Variants in UBR3 observed in about 807,000 individuals in gnomAD.
UBR3 encodes the protein E3 ubiquitin-protein ligase UBR3.
UBR3 carries 85 observed loss-of-function variants against 243.2 expected under a neutral mutation model. The observed-to-expected ratio is 0.35, with a 90% CI of 0.29 to 0.42. UBR3 has a LOEUF of 0.42. Ranked by LOEUF, UBR3 falls within the 10% of genes least tolerant of loss-of-function variation. The probability of loss-of-function intolerance (pLI) is 1.00; values close to 1 mark genes in which losing one functional copy is unlikely to be tolerated. For missense variants in UBR3, 1,686 were observed against 2,300.8 expected (o/e 0.73, Z 5.47); for synonymous variants, 748 against 799.8 (o/e 0.94, Z 1.09).
chr2:169,908,225 T>C lies in UBR3; in HGVS notation c.1779+2061T>C, dbSNP rs185417080. Among the ~76,000 whole-genome samples, 40 of 152,364 alleles carry C rather than the reference T, an allele frequency of 2.6e-4. 1 individual carries two copies. In the Middle Eastern group the frequency reaches 0.01, roughly 39 times the overall value. ...AGTTATCTTGGAAGCTTAAAAAATA[T>C]GTATGCATAAGCCCCAGTGTCAGAG... On this transcript the variant is annotated intron_variant, in intron 10 of 38. Coordinates refer to ENST00000272793, the MANE Select transcript of UBR3 (RefSeq NM_172070.4).
At chr2:169,924,999 A>G (rs1319844295) in intron 13 of UBR3, among the ~76,000 whole-genome samples, 1 of 152,152 alleles carries the variant, frequency 6.6e-6, no homozygotes, top group Non-Finnish European at 1.5e-5. Flanking sequence ...GCGCCACTGC[A>G]CTCCAGTCTG....
chr2:169,933,313 G>C (rs2086208193), intron 19 of UBR3, among the ~76,000 whole-genome samples: 1 of 152,174 alleles, frequency 6.6e-6, no homozygotes, highest in African/African-American at 2.4e-5. Flanking sequence ...TTTTGAACCA[G>C]TAGGGGAGGC....
rs537317176 is a variant in UBR3, at chr2:169,939,170, A to G, written c.2664-3323A>G. 1.1e-4 allele frequency among the ~76,000 whole-genome samples: 16 copies of G among 151,798 alleles called. No homozygotes were observed. In the East Asian group the frequency reaches 1.7e-3, roughly 17 times the overall value. Reference sequence around the variant, plus strand: ...ATATGAGATGATTATCAGTTTTACTATGTTTTCTAAGAACCAAGTTTTGAT... The same window carrying G: ...ATATGAGATGATTATCAGTTTTACTGTGTTTTCTAAGAACCAAGTTTTGAT... On this transcript the variant is annotated intron_variant, in intron 19 of 38. Transcript: ENST00000272793.
At chr2:170,041,348 A>G (rs1456837766) in intron 32 of UBR3, among the ~76,000 whole-genome samples, 1 of 152,230 alleles carries the variant, frequency 6.6e-6, no homozygotes. Context: ...TTTAGTCACT[A>G]AGAGGTAAAG....
intron 26 of UBR3, 27 bp downstream of exon 26, chr2:169,994,483 T>G: frequency 6.3e-7 from 1 of 1,579,728 alleles, no homozygotes; most frequent in Non-Finnish European, 8.7e-7. Context: ...AAATAGTACT[T>G]TTGTCTGCCA....
chr2:169,913,684 T>C (rs2085344278), intron 10 of UBR3, among the ~76,000 whole-genome samples: 1 of 152,192 alleles, frequency 6.6e-6, no homozygotes, highest in Non-Finnish European at 1.5e-5. Context: ...CTGTCGCTAC[T>C]ATCCATGTCC....
At chr2:169,864,518 C>CT (rs1219279563) in intron 1 of UBR3, among the ~76,000 whole-genome samples, 4 of 151,774 alleles carry the variant, frequency 2.6e-5, no homozygotes, top group Admixed American at 6.6e-5. Flanking sequence ...AATCCCAGCA[C>CT]TTTGGGAGGC....
chr2:169,861,266 C>T (rs777152073), intron 1 of UBR3, among the ~76,000 whole-genome samples: 7 of 152,224 alleles, frequency 4.6e-5, no homozygotes, highest in Admixed American at 4.6e-4. Flanking sequence ...CCATCACAAA[C>T]TCTTTGACCA....
intron 35 of UBR3, among the ~76,000 whole-genome samples, chr2:170,065,933 C>A (rs1035967895): frequency 1.3e-5 from 2 of 150,568 alleles, no homozygotes; most frequent in Non-Finnish European, 2.9e-5. Flanking sequence ...TGCCCTACCC[C>A]ACCCCCCGCA....
At chr2:170,001,511 A>C (rs2089694375) in intron 27 of UBR3, 97 bp downstream of exon 27, 1 of 711,148 alleles carries the variant, frequency 1.4e-6, no homozygotes, top group Non-Finnish European at 2.4e-6. Context: ...TCATCTTTTT[A>C]GGTGATTTTG....
chr2:169,950,344 A>T (rs1443815076), intron 23 of UBR3, among the ~76,000 whole-genome samples: 1 of 152,128 alleles, frequency 6.6e-6, no homozygotes, highest in African/African-American at 2.4e-5. Flanking sequence ...TGCTGTAGGG[A>T]TCTAATAATT....
intron 1 of UBR3, among the ~76,000 whole-genome samples, chr2:169,851,856 A>G (rs2082671304): frequency 6.6e-6 from 1 of 151,046 alleles, no homozygotes; most frequent in Non-Finnish European, 1.5e-5. Context: ...AAAAAAAAAC[A>G]ACAGTTAAGT....
intron 1 of UBR3, among the ~76,000 whole-genome samples, chr2:169,829,075 ATTAAAC>A (rs1573988097): frequency 6.6e-6 from 1 of 152,202 alleles, no homozygotes; most frequent in African/African-American, 2.4e-5. Flanking sequence ...GCTATCAGTT[ATTAAAC>A]TTCTTCAATT....
chr2:170,048,849 G>A (rs183692605), intron 32 of UBR3, among the ~76,000 whole-genome samples: 5 of 152,270 alleles, frequency 3.3e-5, no homozygotes, highest in Admixed American at 3.3e-4. Context: ...AAACAAATTT[G>A]TGCTAGTTTC....
chr2:169,844,371 TTGAA>T (rs1252169526), intron 1 of UBR3, among the ~76,000 whole-genome samples: 1 of 152,228 alleles, frequency 6.6e-6, no homozygotes, highest in African/African-American at 2.4e-5. Flanking sequence ...CTTTGACAGT[TTGAA>T]TCTTTCATGA....
intron 36 of UBR3, chr2:170,078,138 G>T: frequency 1.7e-6 from 1 of 603,448 alleles, no homozygotes; most frequent in South Asian, 1.5e-5. Flanking sequence ...GCATGGTGCT[G>T]TTTAAGATAA....
At chr2:169,873,010 A>G (rs2083481316) in intron 2 of UBR3, among the ~76,000 whole-genome samples, 1 of 152,124 alleles carries the variant, frequency 6.6e-6, no homozygotes, top group African/African-American at 2.4e-5. Context: ...TCAGTCTGAC[A>G]TTGTCAGTTA....
intron 24 of UBR3, among the ~76,000 whole-genome samples, chr2:169,983,607 A>G (rs1453282480): frequency 6.6e-6 from 1 of 152,088 alleles, no homozygotes; most frequent in Non-Finnish European, 1.5e-5. Flanking sequence ...CTGATATTCA[A>G]GGAGTGGGGA....
At position 169,928,846 on chromosome 2, in the gene UBR3, A is replaced by G. The variant is rs2086007420; in HGVS notation, c.2544A>G (p.Gln848=). ...TTTTTGAACCTGGAGGTTCTATGCA[A>G]CAAGGCATGTATACTCCCAAAGGTA... ...APVFEPGGSM[Q]QGMYTPKAEV... is the part of the protein sequence containing the mutation. Residue 848 remains glutamine (Q), a synonymous_variant, in exon 18 of 39, where the codon CAA becomes CAG. Coordinates refer to ENST00000272793, the MANE Select transcript of UBR3 (RefSeq NM_172070.4). 2.0e-6 allele frequency: 3 copies of G among 1,491,900 alleles called. No individual in the cohort carries two copies. In the East Asian group the frequency reaches 7.4e-5, roughly 37 times the overall value. 92.4% of individuals were successfully genotyped at this position (1,491,900 alleles called of 1,614,324 possible). A position where few individuals can be genotyped will look rare whatever the true frequency, so the allele number is the denominator to read the frequency against.
Sources: allele counts gnomAD v4.1 joint callset (sites outside exome capture counted in the v4.1 genomes callset), GRCh38; gene constraint gnomAD v4.1.1; transcripts MANE v1.5; gene names NCBI Gene and HGNC (gene_info 2026-07-23, HGNC 2026-07-21).